The following FLRT2 variants were observed in gnomAD, a reference collection of about 807,000 sequenced individuals.
The protein encoded by FLRT2 is leucine-rich repeat transmembrane protein FLRT2.
A neutral mutation model predicts 40.0 loss-of-function variants in FLRT2; 15 were observed. The ratio of observed to expected loss-of-function variants is 0.38; its 90% CI spans 0.25 to 0.58. The LOEUF is 0.58. Ranked by LOEUF, FLRT2 falls within the 20% of genes least tolerant of loss-of-function variation. FLRT2 has a pLI of 0.71. For synonymous variants in FLRT2, 380 were observed against 336.8 expected (o/e 1.13, Z -1.41); for missense variants, 726 against 840.0 (o/e 0.86, Z 1.68).
In FLRT2 at chr14:85,646,940, C is replaced by G. The variant is rs1894321282; in HGVS notation, c.*23443C>G. 1 of 152,200 alleles carries G rather than the reference C, an allele frequency of 6.6e-6. No homozygotes were observed. The highest frequency in any genetic ancestry group is 6.5e-5 in the Admixed American group (1 of 15,272). 9.4% of individuals were successfully genotyped at this position (152,200 alleles called of 1,614,324 possible). A position where few individuals can be genotyped will look rare whatever the true frequency, so the allele number is the denominator to read the frequency against. ...AGATATGGAAGTTGCCTGGGACCAA[C>G]ATACTCTGTCCAAGAGACACAGTGA... On this transcript the variant is annotated 3_prime_UTR_variant, in exon 2 of 2. Transcript: ENST00000330753.
intron 1 of FLRT2, among the ~76,000 whole-genome samples, chr14:85,558,135 T>A (rs941769354): frequency 6.6e-6 from 1 of 152,182 alleles, no homozygotes; most frequent in East Asian, 1.9e-4. Context: ...AAGCCCTCCA[T>A]GTATTCTGTT....
At chr14:85,538,787 G>T (rs894648733) in intron 1 of FLRT2, among the ~76,000 whole-genome samples, 4 of 152,124 alleles carry the variant, frequency 2.6e-5, no homozygotes, top group African/African-American at 9.7e-5. Flanking sequence ...GTCAACAGAG[G>T]TCATATGGCT....
At chr14:85,611,731 T>C (rs1009379581) in intron 1 of FLRT2, among the ~76,000 whole-genome samples, 2 of 152,230 alleles carry the variant, frequency 1.3e-5, no homozygotes, top group African/African-American at 2.4e-5. Flanking sequence ...TCACTCTCAC[T>C]GTTTTAAATC....
chr14:85,600,246 T>C (rs1892326208), intron 1 of FLRT2, among the ~76,000 whole-genome samples: 2 of 152,150 alleles, frequency 1.3e-5, no homozygotes, highest in Admixed American at 1.3e-4. Context: ...GAAAAAGAGC[T>C]TGAAAGATTT....
intron 1 of FLRT2, among the ~76,000 whole-genome samples, chr14:85,620,190 T>C (rs189146729): frequency 1.3e-5 from 2 of 152,346 alleles, no homozygotes; most frequent in Admixed American, 6.5e-5. Context: ...CCTTCATACA[T>C]GCTTCTGTTC....
At chr14:85,553,439 C>T (rs1336060687) in intron 1 of FLRT2, among the ~76,000 whole-genome samples, 1 of 151,998 alleles carries the variant, frequency 6.6e-6, no homozygotes, top group Admixed American at 6.6e-5. Flanking sequence ...TTGTCTGGGG[C>T]CACACATGAA....
At chr14:85,544,905 T>C (rs1304366053) in intron 1 of FLRT2, among the ~76,000 whole-genome samples, 1 of 152,164 alleles carries the variant, frequency 6.6e-6, no homozygotes, top group Non-Finnish European at 1.5e-5. Context: ...AGCAAAACTT[T>C]TCAGTGGCTG....
intron 1 of FLRT2, among the ~76,000 whole-genome samples, chr14:85,548,693 A>G (rs1014031779): frequency 3.3e-5 from 5 of 152,218 alleles, no homozygotes; most frequent in African/African-American, 1.2e-4. Flanking sequence ...TTCTTTTTAA[A>G]AAGGAGCTGT....
intron 1 of FLRT2, among the ~76,000 whole-genome samples, chr14:85,605,073 C>G (rs917412375): frequency 1.2e-4 from 19 of 152,176 alleles, no homozygotes; most frequent in African/African-American, 4.3e-4. Context: ...GTATGGAAGA[C>G]TTTAACTGAG....
intron 1 of FLRT2, chr14:85,562,914 C>T (rs1375444592): frequency 1.3e-5 from 2 of 152,148 alleles, no homozygotes; most frequent in Non-Finnish European, 2.9e-5. Context: ...CAAGAAGAGA[C>T]ATAGCTTTCA....
At chr14:85,613,076 C>CT in intron 1 of FLRT2, among the ~76,000 whole-genome samples, 1 of 152,006 alleles carries the variant, frequency 6.6e-6, no homozygotes, top group Non-Finnish European at 1.5e-5. Context: ...TTGATTCTAA[C>CT]TGTGTGGAAT....
At position 85,634,574 on chromosome 14, in the gene FLRT2, T is replaced by C. The variant is rs1893957636; in HGVS notation, c.*11077T>C. 1 of 152,218 alleles carries C rather than the reference T, an allele frequency of 6.6e-6. No individual in the cohort carries two copies. The highest frequency in any genetic ancestry group is 1.5e-5 in the Non-Finnish European group (1 of 68,034). The allele number at this position is 152,218 out of a possible 1,614,324, so 9.4% of individuals were successfully genotyped here. A position where few individuals can be genotyped will look rare whatever the true frequency, so the allele number is the denominator to read the frequency against. ...GATGGGAAGTTATATTATGAAAACA[T>C]GATGAATCTTTTAAATTCTGAGTCC... On this transcript the variant is annotated 3_prime_UTR_variant, in exon 2 of 2. Coordinates refer to ENST00000330753, the MANE Select transcript of FLRT2 (RefSeq NM_013231.6).
chr14:85,545,716 A>T (rs551520776), intron 1 of FLRT2, among the ~76,000 whole-genome samples: 1 of 152,360 alleles, frequency 6.6e-6, no homozygotes, highest in South Asian at 2.1e-4. Flanking sequence ...AACTTCTAGC[A>T]CATTTTCAGT....
intron 1 of FLRT2, among the ~76,000 whole-genome samples, chr14:85,572,029 A>G (rs1183860789): frequency 2.6e-5 from 4 of 152,276 alleles, no homozygotes; most frequent in Non-Finnish European, 5.9e-5. Flanking sequence ...ACAAACCATA[A>G]AATGTTGAGA....
intron 1 of FLRT2, among the ~76,000 whole-genome samples, chr14:85,554,378 A>T (rs1016807478): frequency 5.9e-5 from 9 of 152,190 alleles, no homozygotes; most frequent in African/African-American, 2.2e-4. Flanking sequence ...TCATTTTCTG[A>T]TATATTAGTA....
At chr14:85,616,582 C>A (rs1001527866) in intron 1 of FLRT2, among the ~76,000 whole-genome samples, 1 of 152,196 alleles carries the variant, frequency 6.6e-6, no homozygotes, top group African/African-American at 2.4e-5. Context: ...CAGCTTGGAT[C>A]TGTGTGCAGA....
intron 1 of FLRT2, among the ~76,000 whole-genome samples, chr14:85,554,024 A>C (rs1889801898): frequency 6.6e-6 from 1 of 152,214 alleles, no homozygotes; most frequent in African/African-American, 2.4e-5. Context: ...ATCTCATCAA[A>C]AATATGAAGC....
chr14:85,582,885 T>C (rs1469364933), intron 1 of FLRT2, among the ~76,000 whole-genome samples: 1 of 151,620 alleles, frequency 6.6e-6, no homozygotes, highest in Non-Finnish European at 1.5e-5. Flanking sequence ...TATACATATA[T>C]ATCCAACTAT....
At position 85,639,291 on chromosome 14, in the gene FLRT2, C is replaced by T. The variant is rs926227482; in HGVS notation, c.*15794C>T. On this transcript the variant is annotated 3_prime_UTR_variant, in exon 2 of 2. Transcript: ENST00000330753. ...GATGGCAAGTTGTTTATGAGCATGCCTTCTCGTTAAGTTGACAAAATCTTG... is the reference window on the plus strand; with the variant it reads ...GATGGCAAGTTGTTTATGAGCATGCTTTCTCGTTAAGTTGACAAAATCTTG... The T allele has an allele frequency of 6.6e-6, 1 of 152,110 alleles. No homozygotes were observed. The highest frequency in any genetic ancestry group is 2.4e-5 in the African/African-American group (1 of 41,402). 9.4% of individuals were successfully genotyped at this position (152,110 alleles called of 1,614,324 possible). A position where few individuals can be genotyped will look rare whatever the true frequency, so the allele number is the denominator to read the frequency against.
Sources: allele counts gnomAD v4.1 joint callset (sites outside exome capture counted in the v4.1 genomes callset), GRCh38; gene constraint gnomAD v4.1.1; transcripts MANE v1.5; gene names NCBI Gene and HGNC (gene_info 2026-07-23, HGNC 2026-07-21).